ATF6: variants seen among roughly 807,000 people sequenced by gnomAD.
The protein encoded by ATF6 is cyclic AMP-dependent transcription factor ATF-6 alpha.
In ATF6, 53 loss-of-function variants were observed where a neutral mutation model predicts 83.6. That is an observed-to-expected ratio of 0.63 (90% CI 0.51 to 0.80). ATF6 has a LOEUF of 0.80. Among genes scored for constraint, ATF6 ranks in the 30% least tolerant of loss-of-function variants. ATF6 has a pLI of 0.00. For synonymous variants in ATF6, 288 were observed against 285.8 expected (o/e 1.01, Z -0.08); for missense variants, 744 against 797.9 (o/e 0.93, Z 0.81).
At chr1:161,923,472 C>T (rs1688254667) in intron 15 of ATF6, among the ~76,000 whole-genome samples, 1 of 152,138 alleles carries the variant, frequency 6.6e-6, no homozygotes, top group African/African-American at 2.4e-5. Context: ...TTTTCTCCCA[C>T]TTAGCAGAGC....
intron 15 of ATF6, among the ~76,000 whole-genome samples, chr1:161,935,573 C>T (rs1286441499): frequency 1.3e-5 from 2 of 152,194 alleles, no homozygotes; most frequent in Non-Finnish European, 2.9e-5. Flanking sequence ...GCAGCCTGAA[C>T]AGACAGAGAC....
intron 2 of ATF6, among the ~76,000 whole-genome samples, chr1:161,778,563 A>G (rs901763889): frequency 6.6e-6 from 1 of 152,138 alleles, no homozygotes; most frequent in East Asian, 1.9e-4. Flanking sequence ...GACTTTGGAA[A>G]AGTCACTAAT....
At chr1:161,808,193 A>G (rs1458409799) in intron 7 of ATF6, among the ~76,000 whole-genome samples, 2 of 151,984 alleles carry the variant, frequency 1.3e-5, no homozygotes, top group Non-Finnish European at 2.9e-5. Context: ...TGGCATCTTT[A>G]TAAGAATAAT....
At chr1:161,897,403 C>T (rs901185484) in intron 14 of ATF6, among the ~76,000 whole-genome samples, 3 of 151,974 alleles carry the variant, frequency 2.0e-5, no homozygotes, top group Non-Finnish European at 4.4e-5. Context: ...TGCCATTGCA[C>T]TCCAGCCTGG....
intron 7 of ATF6, among the ~76,000 whole-genome samples, chr1:161,803,314 G>T (rs530866663): frequency 8.5e-5 from 13 of 152,272 alleles, no homozygotes; most frequent in African/African-American, 2.9e-4. Context: ...ATATTGTCTG[G>T]TGAAAGTAGA....
At chr1:161,910,059 G>A (rs1041667337) in intron 14 of ATF6, among the ~76,000 whole-genome samples, 1 of 152,216 alleles carries the variant, frequency 6.6e-6, no homozygotes, top group Non-Finnish European at 1.5e-5. Context: ...CTGAAAAAGA[G>A]TAAGATGAAC....
intron 9 of ATF6, chr1:161,840,540 C>T (rs1202515880): frequency 6.6e-6 from 1 of 152,188 alleles, no homozygotes; most frequent in African/African-American, 2.4e-5. Flanking sequence ...GTAGAATAGA[C>T]TTGGAGATAT....
intron 15 of ATF6, among the ~76,000 whole-genome samples, chr1:161,947,834 TTTTTTTTG>T (rs1335023651): frequency 7.5e-6 from 1 of 133,300 alleles, no homozygotes; most frequent in Admixed American, 7.6e-5. Context: ...TTTTTTTTTT[TTTTTTTTG>T]AGATGGAGTG....
intron 10 of ATF6, among the ~76,000 whole-genome samples, chr1:161,847,782 G>A (rs1557993159): frequency 6.6e-6 from 1 of 151,986 alleles, no homozygotes; most frequent in East Asian, 1.9e-4. Flanking sequence ...ATAGCCTTTG[G>A]ATTTACGAGA....
intron 1 of ATF6, among the ~76,000 whole-genome samples, chr1:161,774,355 A>G (rs987954255): frequency 1.3e-5 from 2 of 151,810 alleles, no homozygotes; most frequent in South Asian, 4.2e-4. Context: ...AATCCCCATG[A>G]GTTACAATAG....
chr1:161,845,775 CAAAA>C (rs66887008), intron 9 of ATF6, among the ~76,000 whole-genome samples: 11 of 74,538 alleles, frequency 1.5e-4, no homozygotes, highest in African/African-American at 2.8e-4. Context: ...GACCCTGTCT[CAAAA>C]AAAAAAAAAA....
intron 6 of ATF6, among the ~76,000 whole-genome samples, chr1:161,799,912 G>GACA (rs1685105492): frequency 6.6e-6 from 1 of 152,018 alleles, no homozygotes; most frequent in African/African-American, 2.4e-5. Flanking sequence ...GTTTTACATG[G>GACA]GTCAACCTGT....
intron 15 of ATF6, among the ~76,000 whole-genome samples, chr1:161,925,387 T>A (rs374916639): frequency 2.0e-5 from 3 of 152,242 alleles, no homozygotes; most frequent in Non-Finnish European, 2.9e-5. Context: ...CCAAGCTTTT[T>A]AATTTTATTT....
intron 4 of ATF6, among the ~76,000 whole-genome samples, chr1:161,788,047 C>G (rs186374576): frequency 5.3e-5 from 8 of 152,134 alleles, no homozygotes; most frequent in Admixed American, 1.3e-4. Flanking sequence ...TGTTCCCTTG[C>G]GGACCCATGT....
chr1:161,865,311 C>A (rs1164144096), intron 14 of ATF6, among the ~76,000 whole-genome samples: 2 of 152,050 alleles, frequency 1.3e-5, no homozygotes, highest in African/African-American at 4.8e-5. Flanking sequence ...AGCCGCATGC[C>A]ACCATGCCTG....
At chr1:161,918,627 T>C (rs1048583413) in intron 15 of ATF6, among the ~76,000 whole-genome samples, 14 of 152,232 alleles carry the variant, frequency 9.2e-5, no homozygotes, top group African/African-American at 3.1e-4. Flanking sequence ...ATTGTGAGGC[T>C]ATCCCTAATA....
At chr1:161,806,774 G>C (rs928079904) in intron 7 of ATF6, among the ~76,000 whole-genome samples, 1 of 152,102 alleles carries the variant, frequency 6.6e-6, no homozygotes, top group Non-Finnish European at 1.5e-5. Context: ...TAGGTGCTGG[G>C]GGGAATCCTT....
intron 14 of ATF6, among the ~76,000 whole-genome samples, chr1:161,894,578 C>G (rs1199446371): frequency 3.5e-5 from 4 of 114,842 alleles, no homozygotes; most frequent in Non-Finnish European, 6.6e-5. Context: ...ACTCTGTCAC[C>G]CAGGCTGGAG....
chr1:161,805,860 T>G (rs1295176301), intron 7 of ATF6, among the ~76,000 whole-genome samples: 1 of 152,020 alleles, frequency 6.6e-6, no homozygotes, highest in Non-Finnish European at 1.5e-5. Flanking sequence ...AATGCTGACA[T>G]GGCTTCTTTT....
Sources: allele counts gnomAD v4.1 joint callset (sites outside exome capture counted in the v4.1 genomes callset), GRCh38; gene constraint gnomAD v4.1.1; transcripts MANE v1.5; gene names NCBI Gene and HGNC (gene_info 2026-07-23, HGNC 2026-07-21).